Variants in RGS20 observed in about 807,000 individuals in gnomAD.
RGS20 encodes regulator of G protein signaling 20, also known as gz-selective GTPase-activating protein.
A neutral mutation model predicts 33.6 loss-of-function variants in RGS20; 30 were observed. The observed-to-expected ratio is 0.89, with a 90% CI of 0.67 to 1.21. The LOEUF (loss-of-function observed/expected upper bound fraction) is 1.21. Ranked by LOEUF, RGS20 falls within the 50% of genes most tolerant of loss-of-function variation. The probability of loss-of-function intolerance (pLI) is 0.00; values close to 1 mark genes in which losing one functional copy is unlikely to be tolerated. For synonymous variants in RGS20, 208 were observed against 197.9 expected, an observed-to-expected ratio of 1.05 and a Z score of -0.43; for missense variants, 472 against 502.4, an observed-to-expected ratio of 0.94 and a Z score of 0.58.
chr8:53,959,009 G>A lies in RGS20; in HGVS notation c.*551G>A, dbSNP rs1168800495. 6.6e-6 allele frequency: 1 copy of A among 152,282 alleles called. No homozygotes were observed. The highest frequency in any genetic ancestry group is 2.4e-5 in the African/African-American group (1 of 41,452). 9.4% of individuals were successfully genotyped at this position (152,282 alleles called of 1,614,324 possible). The stretch of plus-strand genomic sequence containing the variant: ...GATCTTACAGTATGTATGTATGTAT[G>A]TATGGAGACATATGTGTGCGTGTGG... On this transcript the variant is annotated 3_prime_UTR_variant, in exon 6 of 6. Coordinates refer to ENST00000297313, the MANE Select transcript of RGS20 (RefSeq NM_170587.4).
intron 2 of RGS20, among the ~76,000 whole-genome samples, chr8:53,888,455 G>T (rs898480828): frequency 3.3e-5 from 5 of 152,102 alleles, no homozygotes; most frequent in African/African-American, 1.2e-4. Flanking sequence ...TTTAGATCAG[G>T]GTTTCTCACC....
chr8:53,879,706 A>T lies in RGS20; in HGVS notation c.510+104A>T, dbSNP rs1167473558. 4.9e-6 allele frequency: 5 copies of T among 1,022,694 alleles called. No homozygotes were observed. The African/African-American group carries it at 8.6e-5, about 18-fold the overall frequency. The allele number at this position is 1,022,694 out of a possible 1,614,324, so 63.4% of individuals were successfully genotyped here. On this transcript the variant is annotated intron_variant, in intron 2 of 5. Coordinates refer to ENST00000297313, the MANE Select transcript of RGS20 (RefSeq NM_170587.4). ...ACTGACCCGCTCCGCTGGGGCTAGCAGTAGGGAGGGTGGCAAGGTCGGGAA... is the reference window on the plus strand; with the variant it reads ...ACTGACCCGCTCCGCTGGGGCTAGCTGTAGGGAGGGTGGCAAGGTCGGGAA...
intron 2 of RGS20, among the ~76,000 whole-genome samples, chr8:53,891,437 A>G (rs1016823110): frequency 1.3e-5 from 2 of 152,102 alleles, no homozygotes; most frequent in Non-Finnish European, 2.9e-5. Flanking sequence ...TGGCCAACAT[A>G]GCAAAACCTC....
At chr8:53,881,081 G>C in intron 2 of RGS20, 1 of 1,541,200 alleles carries the variant, frequency 6.5e-7, no homozygotes, top group Non-Finnish European at 8.6e-7. Context: ...TGGACGGTGG[G>C]CTCGTGAGTA....
chr8:53,910,477 C>G (rs1440209937), intron 2 of RGS20, among the ~76,000 whole-genome samples: 1 of 152,132 alleles, frequency 6.6e-6, no homozygotes, highest in South Asian at 2.1e-4. Context: ...AATTGAAACT[C>G]TCATTCATTG....
intron 1 of RGS20, among the ~76,000 whole-genome samples, chr8:53,862,600 C>T (rs775756476): frequency 6.6e-6 from 1 of 152,156 alleles, no homozygotes; most frequent in Non-Finnish European, 1.5e-5. Context: ...TAGTTTGGGG[C>T]CAGCCTGGAC....
chr8:53,914,168 C>A (rs1391398662), intron 2 of RGS20, among the ~76,000 whole-genome samples: 1 of 151,888 alleles, frequency 6.6e-6, no homozygotes, highest in Non-Finnish European at 1.5e-5. Flanking sequence ...GTAACTAGTA[C>A]TATAGGCATG....
intron 4 of RGS20, among the ~76,000 whole-genome samples, chr8:53,950,120 G>A (rs914861864): frequency 7.2e-5 from 11 of 152,070 alleles, no homozygotes; most frequent in Admixed American, 4.6e-4. Flanking sequence ...GATTACAAGC[G>A]TGAGCCACTA....
chr8:53,916,484 GCT>G (rs917801304), intron 2 of RGS20, among the ~76,000 whole-genome samples: 6 of 152,304 alleles, frequency 3.9e-5, no homozygotes, highest in Non-Finnish European at 7.3e-5. Context: ...TGAGAGATAA[GCT>G]CTCTGAGTCT....
intron 2 of RGS20, among the ~76,000 whole-genome samples, chr8:53,910,543 TAGAA>T (rs994607083): frequency 6.6e-6 from 1 of 152,194 alleles, no homozygotes; most frequent in Non-Finnish European, 1.5e-5. Flanking sequence ...GGCATGTTCT[TAGAA>T]AGCGAATAAA....
chr8:53,957,124 ATTTTG>A lies in RGS20; in HGVS notation c.979-1131_979-1127del, dbSNP rs112718843. 1.1e-4 allele frequency among the ~76,000 whole-genome samples: 17 copies of A among 151,988 alleles called. No homozygotes were observed. The East Asian group carries it at 1.5e-3, about 14-fold the overall frequency. ...CACAGCTATACAGTGACAGGGATGG[ATTTTG>A]TTTTGTTTTGTTTTTGAGATGGAGT... On this transcript the variant is annotated intron_variant, in intron 5 of 5. Coordinates refer to ENST00000297313, the MANE Select transcript of RGS20 (RefSeq NM_170587.4).
At chr8:53,925,371 A>G (rs1389428468) in intron 2 of RGS20, among the ~76,000 whole-genome samples, 3 of 152,146 alleles carry the variant, frequency 2.0e-5, no homozygotes, top group Admixed American at 2.0e-4. Context: ...AGCAAGACAC[A>G]GAAACCAGGA....
chr8:53,958,415 A>G lies in RGS20; in HGVS notation c.1124A>G (p.Lys375Arg). The change falls in exon 6 of 6, where the codon AAG becomes AGG. Residue 375 changes from lysine (K) to arginine (R), a missense_variant. By Grantham distance (26) the Lys-to-Arg change is conservative. Around this residue, in one of 3 missense-constraint regions of RGS20, gnomAD observed 125 missense variants for 169.5 expected, o/e 0.74. Transcript: ENST00000297313. ...CGATTCATGAACTCTGCTGTCTATA[A>G]GGACTTGCTTCAGTCCTTATCGGAG... The G allele has an allele frequency of 1.2e-6, 2 of 1,609,326 alleles. No homozygotes were observed. The highest frequency in any genetic ancestry group is 1.7e-6 in the Non-Finnish European group (2 of 1,177,386).
chr8:53,851,831 G>T lies in RGS20; in HGVS notation c.-69G>T, dbSNP rs181111651. The T allele has an allele frequency of 4.0e-6, 6 of 1,507,644 alleles. No homozygotes were observed. Among genetic ancestry groups the T allele is most frequent in the Non-Finnish European group, 5.4e-6 (6 of 1,105,292 alleles). The allele number at this position is 1,507,644 out of a possible 1,614,324, so 93.4% of individuals were successfully genotyped here. A position where few individuals can be genotyped will look rare whatever the true frequency, so the allele number is the denominator to read the frequency against. On this transcript the variant is annotated 5_prime_UTR_variant, in exon 1 of 6. Transcript: ENST00000297313. ...AGCATTAACCAAACAAAGAGAAGCA[G>T]AGTGGATCCTGTGCTAATATTGGGA...
At chr8:53,936,941 C>G (rs2129289683) in intron 2 of RGS20, among the ~76,000 whole-genome samples, 1 of 152,278 alleles carries the variant, frequency 6.6e-6, no homozygotes, top group East Asian at 1.9e-4. Flanking sequence ...AATAACACCA[C>G]ACATCTACAA....
chr8:53,917,392 G>A (rs1354603256), intron 2 of RGS20, among the ~76,000 whole-genome samples: 20 of 152,100 alleles, frequency 1.3e-4, no homozygotes, highest in Admixed American at 7.2e-4. Context: ...CAGGTGATCC[G>A]CCTGCCTCAG....
intron 1 of RGS20, among the ~76,000 whole-genome samples, chr8:53,861,478 G>T (rs1247769471): frequency 1.3e-5 from 2 of 152,204 alleles, no homozygotes; most frequent in African/African-American, 4.8e-5. Flanking sequence ...ATGACCAAAT[G>T]AAATGAATAA....
Position 53,939,540 on chromosome 8 carries a change from CCCCTCCCGCCCGCTTTGTTCCTCT to C in RGS20, c.511-30_511-7del. ...GCTTACGCCTTCATAACGCTGGAACCCCCTCCCGCCCGCTTTGTTCCTCTCCCTCTTGCAGCAGATGGGATCAGA... is the reference window on the plus strand; with the variant it reads ...GCTTACGCCTTCATAACGCTGGAACCCCCTCTTGCAGCAGATGGGATCAGA... On this transcript the variant is annotated splice_polypyrimidine_tract_variant and intron_variant, in intron 2 of 5. Transcript: ENST00000297313. The C allele has an allele frequency of 6.9e-7, 1 of 1,448,344 alleles. No homozygotes were observed. Among genetic ancestry groups the C allele is most frequent in the Non-Finnish European group, 9.1e-7 (1 of 1,094,036 alleles). 89.7% of individuals were successfully genotyped at this position (1,448,344 alleles called of 1,614,324 possible). A position where few individuals can be genotyped will look rare whatever the true frequency, so the allele number is the denominator to read the frequency against.
intron 1 of RGS20, among the ~76,000 whole-genome samples, chr8:53,865,802 T>C (rs1437044597): frequency 6.6e-6 from 1 of 152,168 alleles, no homozygotes; most frequent in Non-Finnish European, 1.5e-5. Flanking sequence ...GAGATGGGGC[T>C]TCTCTGTTTT....
Sources: gnomAD v4.1 joint callset for allele counts (sites outside exome capture counted in the v4.1 genomes callset) on GRCh38, gnomAD v4.1.1 for gene constraint, gnomAD v4.1.1 regional missense constraint, MANE v1.5 for transcripts, NCBI Gene and HGNC (gene_info 2026-07-23, HGNC 2026-07-21) for gene names.